DSCAM: variants seen among roughly 807,000 people sequenced by gnomAD.
The protein encoded by DSCAM is DS cell adhesion molecule, also known as cell adhesion molecule DSCAM.
In DSCAM, 47 loss-of-function variants were observed where a neutral mutation model predicts 217.7. That is an observed-to-expected ratio of 0.22 (90% confidence interval 0.17 to 0.28). The LOEUF (loss-of-function observed/expected upper bound fraction) is 0.28. DSCAM is among the 10% of genes least tolerant of loss of function. The probability of loss-of-function intolerance (pLI) is 1.00; values close to 1 mark genes in which losing one functional copy is unlikely to be tolerated. For missense variants in DSCAM, 2,080 were observed against 2,618.3 expected (o/e 0.79, Z 4.49); for synonymous variants, 1,056 against 1,015.3 (o/e 1.04, Z -0.76).
At chr21:40,625,615 CAGG>C (rs1376737404) in intron 3 of DSCAM, among the ~76,000 whole-genome samples, 3 of 152,174 alleles carry the variant, frequency 2.0e-5, no homozygotes, top group Admixed American at 6.5e-5. Flanking sequence ...GATCCTGCTG[CAGG>C]AGCTGGAAAG....
intron 3 of DSCAM, among the ~76,000 whole-genome samples, chr21:40,440,173 T>C (rs962165286): frequency 2.0e-5 from 3 of 152,250 alleles, no homozygotes; most frequent in African/African-American, 7.2e-5. Flanking sequence ...TGCTAGCCCT[T>C]TGAACATCTG....
In DSCAM at chr21:40,844,438, GA is replaced by G. The variant is rs76361172; in HGVS notation, c.43+2180del. Among the ~76,000 whole-genome samples, 1,396 of 152,268 alleles carry G rather than the reference GA, an allele frequency of 9.2e-3. 47 individuals carry two copies. The East Asian group carries it at 0.11, about 12-fold the overall frequency. Reference sequence around the variant, plus strand: ...AGTTCCATAGCCTTCTGCTAGATTGGATCAGAATACGTAATACAGCAATGTA... The same window carrying G: ...AGTTCCATAGCCTTCTGCTAGATTGGTCAGAATACGTAATACAGCAATGTA... On this transcript the variant is annotated intron_variant, in intron 1 of 32. Coordinates refer to ENST00000400454, the MANE Select transcript of DSCAM (RefSeq NM_001389.5).
chr21:40,356,772 G>A (rs1384023757), intron 4 of DSCAM, among the ~76,000 whole-genome samples: 1 of 152,190 alleles, frequency 6.6e-6, no homozygotes, highest in African/African-American at 2.4e-5. Context: ...ATACAAGAGA[G>A]TAAATTTCTG....
intron 6 of DSCAM, among the ~76,000 whole-genome samples, chr21:40,345,650 G>A (rs965336319): frequency 1.3e-5 from 2 of 152,066 alleles, no homozygotes; most frequent in Non-Finnish European, 2.9e-5. Flanking sequence ...TCACAGTATT[G>A]CAAATTTTTA....
chr21:40,697,164 GTGTC>G (rs1418556176), intron 2 of DSCAM, among the ~76,000 whole-genome samples: 1 of 152,080 alleles, frequency 6.6e-6, no homozygotes, highest in African/African-American at 2.4e-5. Context: ...CATGTAATGT[GTGTC>G]TGTCTGAGCC....
At chr21:40,097,743 C>T (rs1375889481) in intron 20 of DSCAM, among the ~76,000 whole-genome samples, 1 of 151,504 alleles carries the variant, frequency 6.6e-6, no homozygotes, top group Non-Finnish European at 1.5e-5. Flanking sequence ...AGATTAAGAC[C>T]ATCCTAGCCA....
intron 30 of DSCAM, among the ~76,000 whole-genome samples, chr21:40,045,305 C>T (rs1241048680): frequency 6.6e-6 from 1 of 152,232 alleles, no homozygotes; most frequent in East Asian, 1.9e-4. Flanking sequence ...TATGTCCCAA[C>T]TCTCCTTAAG....
intron 3 of DSCAM, among the ~76,000 whole-genome samples, chr21:40,468,202 CTCTT>C (rs2075860495): frequency 6.6e-6 from 1 of 152,126 alleles, no homozygotes; most frequent in Admixed American, 6.5e-5. Context: ...ATTTAAAATT[CTCTT>C]TCTCTTTCCC....
chr21:40,185,508 T>C lies in DSCAM; in HGVS notation c.2779+1623A>G, dbSNP rs139724841. On this transcript the variant is annotated intron_variant, in intron 14 of 32. Transcript: ENST00000400454. ...CAGGGGAGGTCCTGGGCTGCTCCAG[T>C]AGGAGAGGTCTCCTGTGTGCTCCCG... 4.3e-3 allele frequency among the ~76,000 whole-genome samples: 658 copies of C among 152,272 alleles called. 7 individuals are homozygous for C. In the Middle Eastern group the frequency reaches 0.044, roughly 10 times the overall value.
chr21:40,752,372 C>T (rs1251280636), intron 1 of DSCAM, among the ~76,000 whole-genome samples: 2 of 152,196 alleles, frequency 1.3e-5, no homozygotes, highest in Non-Finnish European at 2.9e-5. Flanking sequence ...AATCCACACA[C>T]ATTCCTGCAG....
At chr21:40,073,773 C>T (rs1400713897) in intron 27 of DSCAM, among the ~76,000 whole-genome samples, 1 of 152,178 alleles carries the variant, frequency 6.6e-6, no homozygotes, top group African/African-American at 2.4e-5. Flanking sequence ...AAAGCTCTTT[C>T]TTCTCATCTT....
At chr21:40,568,618 G>T (rs1451480247) in intron 3 of DSCAM, among the ~76,000 whole-genome samples, 1 of 152,144 alleles carries the variant, frequency 6.6e-6, no homozygotes, top group Admixed American at 6.5e-5. Context: ...AATGCTGGAA[G>T]TTATATTGAT....
intron 32 of DSCAM, among the ~76,000 whole-genome samples, chr21:40,038,216 C>A: frequency 7.8e-6 from 1 of 128,808 alleles, no homozygotes; most frequent in Non-Finnish European, 1.6e-5. Context: ...AAACTACCAT[C>A]AGAGTGAACA....
chr21:40,497,308 G>A (rs969696535), intron 3 of DSCAM, among the ~76,000 whole-genome samples: 9 of 152,110 alleles, frequency 5.9e-5, no homozygotes, highest in African/African-American at 2.2e-4. Flanking sequence ...TATAAAAAAG[G>A]AAATTCTGTC....
chr21:40,772,864 T>G (rs1183363821), intron 1 of DSCAM, among the ~76,000 whole-genome samples: 1 of 152,196 alleles, frequency 6.6e-6, no homozygotes, highest in Non-Finnish European at 1.5e-5. Flanking sequence ...AAATAACGAT[T>G]GCCATAATCG....
chr21:40,599,268 A>G (rs1001672573), intron 3 of DSCAM, among the ~76,000 whole-genome samples: 2 of 152,144 alleles, frequency 1.3e-5, no homozygotes, highest in African/African-American at 2.4e-5. Context: ...GGTTTGTTAC[A>G]TAGGTGTACA....
chr21:40,323,260 T>C (rs947503931), intron 8 of DSCAM, among the ~76,000 whole-genome samples: 3 of 152,160 alleles, frequency 2.0e-5, no homozygotes, highest in African/African-American at 7.2e-5. Context: ...CTAGCATCCA[T>C]CTCAGAGTCA....
intron 1 of DSCAM, among the ~76,000 whole-genome samples, chr21:40,750,028 A>T (rs2091212961): frequency 6.6e-6 from 1 of 151,808 alleles, no homozygotes; most frequent in African/African-American, 2.4e-5. Context: ...CCTGGGTTCA[A>T]GTGATTCTCC....
At chr21:40,817,631 C>T (rs2091891217) in intron 1 of DSCAM, among the ~76,000 whole-genome samples, 1 of 152,182 alleles carries the variant, frequency 6.6e-6, no homozygotes, top group East Asian at 1.9e-4. Context: ...CTGCTCCCCG[C>T]CACCCCGTCT....
Sources: allele counts gnomAD v4.1 joint callset (sites outside exome capture counted in the v4.1 genomes callset), GRCh38; gene constraint gnomAD v4.1.1; transcripts MANE v1.5; gene names NCBI Gene and HGNC (gene_info 2026-07-23, HGNC 2026-07-21).